Variants in ADCY3 observed in about 807,000 individuals in gnomAD.
ADCY3 encodes adenylate cyclase type 3.
In ADCY3, 70 loss-of-function variants were observed where a neutral mutation model predicts 119.4. The ratio of observed to expected loss-of-function variants is 0.59; its 90% CI spans 0.48 to 0.72. The LOEUF is 0.72. Among genes scored for constraint, ADCY3 ranks in the 30% least tolerant of loss-of-function variants. ADCY3 has a pLI of 0.00. For synonymous variants in ADCY3, 672 were observed against 621.4 expected (o/e 1.08, Z -1.21); for missense variants, 1,238 against 1,541.6 (o/e 0.80, Z 3.30).
intron 3 of ADCY3, among the ~76,000 whole-genome samples, chr2:24,869,978 A>C (rs1184400466): frequency 6.6e-6 from 1 of 152,036 alleles, no homozygotes; most frequent in Non-Finnish European, 1.5e-5. Flanking sequence ...GTGCTTTACC[A>C]ATCCCAGTGG....
chr2:24,842,725 A>G lies in ADCY3; in HGVS notation c.826-341T>C. 1 of 304,992 alleles carries G rather than the reference A, an allele frequency of 3.3e-6. No individual in the cohort carries two copies. Among genetic ancestry groups the G allele is most frequent in the South Asian group, 3.7e-5 (1 of 26,744 alleles). 18.9% of individuals were successfully genotyped at this position (304,992 alleles called of 1,614,324 possible). On this transcript the variant is annotated intron_variant, in intron 3 of 21. Coordinates refer to ENST00000679454, the MANE Select transcript of ADCY3 (RefSeq NM_004036.5). The surrounding 1 kb of genome is among the most constrained non-coding windows in gnomAD (Gnocchi z 4.9). ...CTGCTGCACCGTGAGCCCTCCCGGC[A>G]GGAGCCCTGCGGGGTCACCTCAGCC...
At chr2:24,826,939 C>T (rs868719772) in intron 15 of ADCY3, among the ~76,000 whole-genome samples, 5 of 152,148 alleles carry the variant, frequency 3.3e-5, no homozygotes, top group Non-Finnish European at 4.4e-5. Context: ...TTATCTGGAC[C>T]GGTACGTGTG....
chr2:24,852,572 C>T (rs1672447944), intron 3 of ADCY3, among the ~76,000 whole-genome samples: 1 of 152,238 alleles, frequency 6.6e-6, no homozygotes, highest in Non-Finnish European at 1.5e-5. Context: ...TCAGAGCAGG[C>T]ATGAGTGGCC....
intron 2 of ADCY3, among the ~76,000 whole-genome samples, chr2:24,888,898 ACT>A (rs1441152817): frequency 6.6e-5 from 10 of 152,068 alleles, no homozygotes; most frequent in African/African-American, 2.4e-4. Context: ...AGTCCCAGCT[ACT>A]CGGGAGGCTG....
At chr2:24,852,869 C>T (rs1428525873) in intron 3 of ADCY3, among the ~76,000 whole-genome samples, 3 of 152,238 alleles carry the variant, frequency 2.0e-5, no homozygotes, top group Non-Finnish European at 4.4e-5. Flanking sequence ...CAGAGTGTGG[C>T]TGGTGGGGCT....
At chr2:24,845,377 G>A (rs1415390008) in intron 3 of ADCY3, among the ~76,000 whole-genome samples, 2 of 152,230 alleles carry the variant, frequency 1.3e-5, no homozygotes, top group African/African-American at 4.8e-5. Flanking sequence ...TAAGGTCCAG[G>A]CTGAGGTGGT....
intron 20 of ADCY3, chr2:24,821,119 C>G (rs1453984795): frequency 2.1e-6 from 1 of 473,852 alleles, no homozygotes; most frequent in East Asian, 3.9e-5. Flanking sequence ...TTTCAAGTCT[C>G]CTGGGACCTC....
At chr2:24,902,183 C>T (rs921159163) in intron 2 of ADCY3, among the ~76,000 whole-genome samples, 5 of 150,628 alleles carry the variant, frequency 3.3e-5, no homozygotes, top group South Asian at 2.1e-4. Flanking sequence ...TGGGCTCAAG[C>T]GATCCTCCTG....
At chr2:24,912,586 CATGTGTGTGTGTGTGTGCATGT>C in intron 2 of ADCY3, among the ~76,000 whole-genome samples, 1 of 102,108 alleles carries the variant, frequency 9.8e-6, no homozygotes, top group African/African-American at 4.0e-5. Context: ...TGTGTGTGTG[CATGTGTGTGTGTGTGTGCATGT>C]GTGTGTGTGT....
At chr2:24,874,450 G>C (rs1675403846) in intron 2 of ADCY3, among the ~76,000 whole-genome samples, 2 of 152,190 alleles carry the variant, frequency 1.3e-5, no homozygotes, top group Non-Finnish European at 2.9e-5. Context: ...AGCCTTATTG[G>C]GGCCAGAAGG....
chr2:24,898,817 A>C lies in ADCY3; in HGVS notation c.675+19496T>G, dbSNP rs377055619. On this transcript the variant is annotated intron_variant, in intron 2 of 21. Coordinates refer to ENST00000679454, the MANE Select transcript of ADCY3 (RefSeq NM_004036.5). This position sits in a 1 kb window ranked among gnomAD's most constrained non-coding sequence, Gnocchi z 4.3. ...AAGCAAAATTTACCACGCAACCAACAGCAGCTCAGCAGTGGGAGGTCTGCA... is the reference window on the plus strand; with the variant it reads ...AAGCAAAATTTACCACGCAACCAACCGCAGCTCAGCAGTGGGAGGTCTGCA... Among the ~76,000 whole-genome samples, 1 of 152,164 alleles carries C rather than the reference A, an allele frequency of 6.6e-6. No individual in the cohort carries two copies. The highest frequency in any genetic ancestry group is 1.5e-5 in the Non-Finnish European group (1 of 68,020).
intron 3 of ADCY3, among the ~76,000 whole-genome samples, chr2:24,852,910 G>C (rs941618222): frequency 3.3e-5 from 5 of 152,256 alleles, no homozygotes; most frequent in Non-Finnish European, 7.3e-5. Flanking sequence ...GCTCATCAGG[G>C]TGGGGAAGCC....
intron 15 of ADCY3, 137 bp downstream of exon 15, chr2:24,827,409 G>A: frequency 3.4e-6 from 3 of 883,556 alleles, no homozygotes; most frequent in Non-Finnish European, 5.3e-6. Flanking sequence ...AGGAACCCAT[G>A]CCAGCTTCTC....
At chr2:24,827,464 C>T (rs1043600825) in intron 15 of ADCY3, 82 bp downstream of exon 15, 13 of 1,485,074 alleles carry the variant, frequency 8.8e-6, no homozygotes, top group East Asian at 2.5e-5. Flanking sequence ...AGGGTGAGAT[C>T]CCGGGGCTTG....
At chr2:24,885,244 G>C (rs1290841755) in intron 2 of ADCY3, among the ~76,000 whole-genome samples, 2 of 152,208 alleles carry the variant, frequency 1.3e-5, no homozygotes, top group Non-Finnish European at 2.9e-5. Flanking sequence ...GAATCACCTG[G>C]GGAGTTATGC....
At chr2:24,866,226 C>T (rs1192871652) in intron 3 of ADCY3, among the ~76,000 whole-genome samples, 1 of 152,122 alleles carries the variant, frequency 6.6e-6, no homozygotes, top group African/African-American at 2.4e-5. Context: ...CTGCTCTAAC[C>T]ATCTGCCACA....
chr2:24,872,760 G>A lies in ADCY3; in HGVS notation c.676-41C>T, dbSNP rs200667597. 325 of 1,596,872 alleles carry A rather than the reference G, an allele frequency of 2.0e-4. No homozygotes were observed. In the African/African-American group the frequency reaches 4.1e-3, roughly 20 times the overall value. On this transcript the variant is annotated intron_variant, in intron 2 of 21. Transcript: ENST00000679454. This position sits in a 1 kb window ranked among gnomAD's most constrained non-coding sequence, Gnocchi z 4.4. ...GAAGAGAGAAAAGGCCAGGGGTGAAGGCACGTCTTCAGAAAAGGGGATGGA... is the reference window on the plus strand; with the variant it reads ...GAAGAGAGAAAAGGCCAGGGGTGAAAGCACGTCTTCAGAAAAGGGGATGGA...
At position 24,920,212 on chromosome 2, in the gene ADCY3, C is replaced by T. The variant is rs550707705; in HGVS notation, c.-727G>A. Among the ~76,000 whole-genome samples the T allele has an allele frequency of 9.1e-3, 1,334 of 145,860 alleles. 21 individuals are homozygous for T. The highest frequency in any genetic ancestry group is 0.031 in the African/African-American group (1,274 of 40,566). On this transcript the variant is annotated 5_prime_UTR_variant, in exon 1 of 22. Transcript: ENST00000679454. This position sits in a 1 kb window ranked among gnomAD's most constrained non-coding sequence, Gnocchi z 4.5. ...TGCACAGCTATTCCCCGCGCGGCGC[C>T]GGCGGCTCCGGGGCCACGCGCGCTC...
intron 16 of ADCY3, 66 bp from the exon 17 acceptor site, chr2:24,824,602 G>A: frequency 6.4e-7 from 1 of 1,565,668 alleles, no homozygotes; most frequent in Non-Finnish European, 8.7e-7. Context: ...ATGAAAAACA[G>A]GAATGGCCAG....
Sources: allele counts gnomAD v4.1 joint callset (sites outside exome capture counted in the v4.1 genomes callset), GRCh38; gene constraint gnomAD v4.1.1; non-coding constraint Gnocchi (gnomAD v3.1); transcripts MANE v1.5; gene names NCBI Gene and HGNC (gene_info 2026-07-23, HGNC 2026-07-21).